Variants in TTLL11 observed in about 807,000 individuals in gnomAD.
TTLL11 encodes tubulin tyrosine ligase like 11.
A neutral mutation model predicts 51.7 loss-of-function variants in TTLL11; 42 were observed. The observed-to-expected ratio is 0.81, with a 90% CI of 0.64 to 1.05. TTLL11 has a LOEUF of 1.05. TTLL11 is among the 50% of genes least tolerant of loss of function. The pLI is 0.00. For synonymous variants in TTLL11, 381 were observed against 383.5 expected, an observed-to-expected ratio of 0.99 and a Z score of 0.08; for missense variants, 799 against 940.4, an observed-to-expected ratio of 0.85 and a Z score of 1.97.
chr9:121,830,049 T>G (rs753047891), intron 8 of TTLL11, among the ~76,000 whole-genome samples: 2 of 152,176 alleles, frequency 1.3e-5, no homozygotes, highest in Non-Finnish European at 2.9e-5. Context: ...GAGCCCAGCA[T>G]AGCCTGGCAC....
chr9:122,071,542 G>A (rs1036080909), intron 1 of TTLL11, among the ~76,000 whole-genome samples: 2 of 152,168 alleles, frequency 1.3e-5, no homozygotes, highest in Non-Finnish European at 2.9e-5. Context: ...AAGGAGGAGG[G>A]TGGTCCCTAG....
intron 3 of TTLL11, among the ~76,000 whole-genome samples, chr9:121,998,265 G>GT (rs1384267516): frequency 6.6e-6 from 1 of 151,838 alleles, no homozygotes; most frequent in Non-Finnish European, 1.5e-5. Context: ...GTCGCTTAGG[G>GT]TTTTTTTCAT....
chr9:122,053,667 AG>A (rs1459156845), intron 1 of TTLL11, among the ~76,000 whole-genome samples: 1 of 152,196 alleles, frequency 6.6e-6, no homozygotes, highest in East Asian at 1.9e-4. Flanking sequence ...GACTGGGCCC[AG>A]AAAAAAGTAT....
chr9:121,931,583 TTAAA>T (rs1317124616), intron 6 of TTLL11, among the ~76,000 whole-genome samples: 7 of 103,834 alleles, frequency 6.7e-5, no homozygotes, highest in East Asian at 5.1e-4. Flanking sequence ...TTTCTACTAT[TTAAA>T]AAAAAAAAAA....
At chr9:121,861,766 A>T (rs918959136) in intron 7 of TTLL11, among the ~76,000 whole-genome samples, 2 of 152,138 alleles carry the variant, frequency 1.3e-5, no homozygotes, top group African/African-American at 4.8e-5. Context: ...TCCAGAAGCA[A>T]TTTCCCACTG....
At chr9:121,893,127 C>A (rs897653890) in intron 6 of TTLL11, among the ~76,000 whole-genome samples, 2 of 152,164 alleles carry the variant, frequency 1.3e-5, no homozygotes, top group Admixed American at 1.3e-4. Context: ...CATATTATTT[C>A]TTTTTCCTAT....
At chr9:121,881,618 A>G (rs1466515949) in intron 6 of TTLL11, among the ~76,000 whole-genome samples, 2 of 152,256 alleles carry the variant, frequency 1.3e-5, no homozygotes, top group African/African-American at 2.4e-5. Context: ...TTCACTCAGC[A>G]TCACGCCAGG....
intron 6 of TTLL11, among the ~76,000 whole-genome samples, chr9:121,896,312 G>A (rs757972255): frequency 6.6e-6 from 1 of 152,180 alleles, no homozygotes; most frequent in African/African-American, 2.4e-5. Flanking sequence ...TCCGGGGCTA[G>A]GTGGCTTTAG....
intron 1 of TTLL11, among the ~76,000 whole-genome samples, chr9:122,046,877 A>G (rs1468404984): frequency 1.3e-5 from 2 of 152,204 alleles, no homozygotes; most frequent in African/African-American, 4.8e-5. Context: ...ACACAATCTG[A>G]GTTCCATCAT....
intron 1 of TTLL11, among the ~76,000 whole-genome samples, chr9:122,044,227 A>C (rs1033716234): frequency 6.6e-6 from 1 of 152,092 alleles, no homozygotes; most frequent in Non-Finnish European, 1.5e-5. Flanking sequence ...CATGGTGTAT[A>C]TGTGCCACAT....
At chr9:121,850,890 C>A (rs753391452) in intron 8 of TTLL11, among the ~76,000 whole-genome samples, 1 of 152,126 alleles carries the variant, frequency 6.6e-6, no homozygotes, top group Non-Finnish European at 1.5e-5. Flanking sequence ...AACCCACGCA[C>A]GAATGTTTAT....
At chr9:122,066,398 C>CA (rs879353225) in intron 1 of TTLL11, among the ~76,000 whole-genome samples, 54 of 150,646 alleles carry the variant, frequency 3.6e-4, no homozygotes, top group Non-Finnish European at 6.2e-4. Context: ...CAGGGAAGGA[C>CA]AAAAAAAAAT....
In TTLL11 at chr9:122,093,003, C is replaced by A; in HGVS notation, c.146G>T (p.Gly49Val). The A allele has an allele frequency of 6.5e-7, 1 of 1,540,106 alleles. No individual in the cohort carries two copies. The highest frequency in any genetic ancestry group is 2.5e-5 in the East Asian group (1 of 39,686). Residue 49 changes from glycine (G) to valine (V), a missense_variant, in exon 1 of 9, where the codon GGG (glycine) becomes GTG (valine). Gly to Val is a moderately radical substitution (Grantham distance 109). Transcript: ENST00000321582. ...CTCCCCTGCCTTGCACTCCGGTTCC[C>A]CGGCCGCGCCCGCGTCCACGCGGAC... ...EQVRVDAGAAGEPECKAGEEQ... is the reference protein window; with the variant it reads ...EQVRVDAGAAVEPECKAGEEQ...
intron 6 of TTLL11, among the ~76,000 whole-genome samples, chr9:121,905,188 T>A (rs1839900026): frequency 2.6e-5 from 4 of 152,134 alleles, no homozygotes; most frequent in Non-Finnish European, 5.9e-5. Flanking sequence ...AATATAGAAC[T>A]ATATAGGCAA....
At chr9:121,840,076 G>T (rs1837304281) in intron 8 of TTLL11, among the ~76,000 whole-genome samples, 1 of 151,918 alleles carries the variant, frequency 6.6e-6, no homozygotes, top group African/African-American at 2.4e-5. Context: ...AGCCTGGAGG[G>T]CACTGGAGCT....
At chr9:121,904,688 A>G (rs941416202) in intron 6 of TTLL11, among the ~76,000 whole-genome samples, 3 of 152,170 alleles carry the variant, frequency 2.0e-5, no homozygotes, top group Admixed American at 6.5e-5. Flanking sequence ...ATTTCTTCCA[A>G]CTGGGCTTCT....
chr9:122,071,181 T>C (rs527370832), intron 1 of TTLL11, among the ~76,000 whole-genome samples: 6 of 152,142 alleles, frequency 3.9e-5, no homozygotes, highest in Non-Finnish European at 8.8e-5. Context: ...AGGGCGTGCA[T>C]GTGAATAGTC....
chr9:121,929,348 G>T (rs1008101506), intron 6 of TTLL11, among the ~76,000 whole-genome samples: 1 of 151,702 alleles, frequency 6.6e-6, no homozygotes, highest in Non-Finnish European at 1.5e-5. Context: ...GCTGAGGCAG[G>T]AAAATCACTT....
intron 1 of TTLL11, among the ~76,000 whole-genome samples, chr9:122,089,772 G>C (rs141674332): frequency 2.0e-4 from 30 of 152,210 alleles, no homozygotes; most frequent in African/African-American, 7.0e-4. Context: ...ATTGTTGCAA[G>C]TGAATTGTTT....
Sources: allele counts gnomAD v4.1 joint callset (sites outside exome capture counted in the v4.1 genomes callset), GRCh38; gene constraint gnomAD v4.1.1; transcripts MANE v1.5; gene names NCBI Gene and HGNC (gene_info 2026-07-23, HGNC 2026-07-21).